Variants in LIMA1 observed in about 807,000 individuals in gnomAD.
LIMA1 encodes LIM domain and actin-binding protein 1.
A neutral mutation model predicts 62.6 loss-of-function variants in LIMA1; 52 were observed. That is an observed-to-expected ratio of 0.83 (90% CI 0.67 to 1.05). LIMA1 has a LOEUF of 1.05. Ranked by LOEUF, LIMA1 falls within the 50% of genes least tolerant of loss-of-function variation. LIMA1 has a pLI of 0.00. For missense variants in LIMA1, 780 were observed against 902.2 expected (o/e 0.86, Z 1.74); for synonymous variants, 302 against 317.8 (o/e 0.95, Z 0.53).
In LIMA1 at chr12:50,231,645, T is replaced by C; in HGVS notation, c.165+20A>G. On this transcript the variant is annotated intron_variant, in intron 3 of 10. Transcript: ENST00000341247. Reference sequence around the variant, plus strand: ...TCTGCTCAAGAAGTGCCACATGCCCTGGAATTTCTGAATACTTACACTTCT... The same window carrying C: ...TCTGCTCAAGAAGTGCCACATGCCCCGGAATTTCTGAATACTTACACTTCT... The C allele has an allele frequency of 6.2e-7, 1 of 1,612,714 alleles. No homozygotes were observed. Among genetic ancestry groups the C allele is most frequent in the Non-Finnish European group, 8.5e-7 (1 of 1,178,804 alleles).
At chr12:50,248,874 A>T (rs186943177) in intron 1 of LIMA1, 100 bp from the exon 2 acceptor site, 1 of 678,048 alleles carries the variant, frequency 1.5e-6, no homozygotes, top group African/African-American at 1.8e-5. Flanking sequence ...TGCAGACCAC[A>T]CTCCTCCACT....
intron 10 of LIMA1, among the ~76,000 whole-genome samples, chr12:50,178,791 T>A (rs192451401): frequency 6.6e-6 from 1 of 151,988 alleles, no homozygotes; most frequent in African/African-American, 2.4e-5. Flanking sequence ...ACTGGTCTTA[T>A]ATGAAAAATG....
intron 3 of LIMA1, among the ~76,000 whole-genome samples, chr12:50,223,159 CT>C (rs2138560802): frequency 6.6e-6 from 1 of 151,184 alleles, no homozygotes; most frequent in South Asian, 2.1e-4. Context: ...TTTTTCCCTG[CT>C]CTTCTCTACA....
intron 1 of LIMA1, among the ~76,000 whole-genome samples, chr12:50,260,899 A>C (rs974082219): frequency 1.2e-4 from 16 of 128,462 alleles, no homozygotes; most frequent in African/African-American, 4.7e-4. Context: ...ACACTAGCTG[A>C]GTGATCTTGG....
intron 3 of LIMA1, among the ~76,000 whole-genome samples, chr12:50,228,368 T>G (rs1003945848): frequency 3.3e-5 from 5 of 152,108 alleles, no homozygotes; most frequent in African/African-American, 1.2e-4. Context: ...ATTCTACCAC[T>G]CCCAAACAAC....
At chr12:50,229,899 C>G (rs1388150346) in intron 3 of LIMA1, 1 of 152,496 alleles carries the variant, frequency 6.6e-6, no homozygotes, top group African/African-American at 2.4e-5. Context: ...GACTCTTCTC[C>G]CTGGCTCATG....
Position 50,197,073 on chromosome 12 carries a change from CTTTT to C in LIMA1, c.973-1190_973-1187del, listed in dbSNP as rs34487829. On this transcript the variant is annotated intron_variant, in intron 7 of 10. Coordinates refer to ENST00000341247, the MANE Select transcript of LIMA1 (RefSeq NM_016357.5). ...CCTTGAACCTGTGAGGTAATCTTTG[CTTTT>C]TTTTTTTTTTTTTGAATGGAGTCTT... is the stretch of plus-strand genomic sequence containing the variant. 2.3e-3 allele frequency among the ~76,000 whole-genome samples: 302 copies of C among 132,372 alleles called. 3 individuals are homozygous for C. Among genetic ancestry groups the C allele is most frequent in the Middle Eastern group, 7.8e-3 (2 of 258 alleles). The allele number at this position is 132,372 out of a possible 152,430, so 86.8% of individuals were successfully genotyped here. A position where few individuals can be genotyped will look rare whatever the true frequency, so the allele number is the denominator to read the frequency against.
At chr12:50,246,772 C>A (rs142296070) in intron 2 of LIMA1, among the ~76,000 whole-genome samples, 17 of 152,268 alleles carry the variant, frequency 1.1e-4, no homozygotes, top group African/African-American at 4.1e-4. Flanking sequence ...TCGTGTTCAG[C>A]TTCCATAATC....
In LIMA1 at chr12:50,181,887, G is replaced by A. The variant is rs1255417539; in HGVS notation, c.1274+17C>T. The A allele has an allele frequency of 6.2e-7, 1 of 1,614,020 alleles. No individual in the cohort carries two copies. Among genetic ancestry groups the A allele is most frequent in the East Asian group, 2.2e-5 (1 of 44,874 alleles). On this transcript the variant is annotated intron_variant, in intron 10 of 10. Transcript: ENST00000341247. ...AGTTCCAGTTATAGACAGATGGCTT[G>A]TTTTGGGCTGACTTACCTGAGTTTG... is the stretch of plus-strand genomic sequence containing the variant.
chr12:50,269,348 A>C (rs1442399144), intron 1 of LIMA1, among the ~76,000 whole-genome samples: 1 of 152,244 alleles, frequency 6.6e-6, no homozygotes, highest in African/African-American at 2.4e-5. Flanking sequence ...GGCCCAAAGA[A>C]GTTAAATAAA....
intron 8 of LIMA1, among the ~76,000 whole-genome samples, chr12:50,193,621 C>T (rs11169309): frequency 1.1e-4 from 10 of 93,756 alleles, no homozygotes; most frequent in Middle Eastern, 0.015. Context: ...TATATATATA[C>T]ATATATATAC....
At chr12:50,271,277 CA>C (rs1942208703) in intron 1 of LIMA1, among the ~76,000 whole-genome samples, 3 of 152,098 alleles carry the variant, frequency 2.0e-5, no homozygotes, top group Admixed American at 2.0e-4. Flanking sequence ...TCTTGAAAAA[CA>C]AAAACAACTG....
chr12:50,194,785 C>T (rs1048283127), intron 8 of LIMA1, among the ~76,000 whole-genome samples: 5 of 151,984 alleles, frequency 3.3e-5, no homozygotes, highest in Non-Finnish European at 4.4e-5. Context: ...CGGTGGCTCA[C>T]GCCTGTAATC....
chr12:50,214,259 T>C (rs890198918), intron 4 of LIMA1, among the ~76,000 whole-genome samples: 3 of 61,600 alleles, frequency 4.9e-5, no homozygotes, highest in Admixed American at 2.5e-4. Context: ...TGTAAGAAAG[T>C]GCATTGATAG....
At chr12:50,225,499 A>T (rs1941514129) in intron 3 of LIMA1, among the ~76,000 whole-genome samples, 1 of 152,088 alleles carries the variant, frequency 6.6e-6, no homozygotes, top group South Asian at 2.1e-4. Context: ...TACACTTTGC[A>T]TTTAATCACC....
At chr12:50,221,833 T>C (rs1410235076) in intron 4 of LIMA1, among the ~76,000 whole-genome samples, 188 bp downstream of exon 4, 1 of 152,258 alleles carries the variant, frequency 6.6e-6, no homozygotes, top group Non-Finnish European at 1.5e-5. Context: ...AACATGAAAT[T>C]GTGTCAGAGA....
At chr12:50,259,411 A>G (rs1386709803) in intron 1 of LIMA1, among the ~76,000 whole-genome samples, 2 of 152,210 alleles carry the variant, frequency 1.3e-5, no homozygotes, top group Admixed American at 6.5e-5. Context: ...TTCTAAATAG[A>G]AAGAACTCTA....
At chr12:50,263,684 T>C (rs1363781685) in intron 1 of LIMA1, among the ~76,000 whole-genome samples, 1 of 151,532 alleles carries the variant, frequency 6.6e-6, no homozygotes, top group Non-Finnish European at 1.5e-5. Context: ...TATACACTGC[T>C]GGTGGGAATG....
At chr12:50,260,088 C>T (rs1216174354) in intron 1 of LIMA1, among the ~76,000 whole-genome samples, 2 of 152,066 alleles carry the variant, frequency 1.3e-5, no homozygotes, top group Non-Finnish European at 2.9e-5. Flanking sequence ...ACTTATTCCA[C>T]ATGATTCCCA....
Sources: gnomAD v4.1 joint callset for allele counts (sites outside exome capture counted in the v4.1 genomes callset) on GRCh38, gnomAD v4.1.1 for gene constraint, MANE v1.5 for transcripts, NCBI Gene and HGNC (gene_info 2026-07-23, HGNC 2026-07-21) for gene names.